Variants in ARL13A observed in about 807,000 individuals in gnomAD.
ARL13A encodes ADP-ribosylation factor-like protein 13A.
A neutral mutation model predicts 19.1 loss-of-function variants in ARL13A; 16 were observed. The ratio of observed to expected loss-of-function variants is 0.84; its 90% CI spans 0.57 to 1.27. The LOEUF is 1.27. Among genes scored for constraint, ARL13A ranks in the 50% most tolerant of loss-of-function variants. The pLI, the probability that ARL13A is intolerant of heterozygous loss-of-function variation, is 0.00. For synonymous variants in ARL13A, 69 were observed against 71.3 expected, an observed-to-expected ratio of 0.97 and a Z score of 0.17; for missense variants, 153 against 186.4, an observed-to-expected ratio of 0.82 and a Z score of 1.04.
intron 3 of ARL13A, among the ~76,000 whole-genome samples, chrX:100,977,369 CTTTTTTTTTTTTTTTT>C (rs59915769): frequency 1.8e-5 from 1 of 56,470 alleles, no homozygotes. Context: ...CTACTCTCTT[CTTTTTTTTTTTTTTTT>C]TTTTTTTTTT....
intron 7 of ARL13A, chrX:100,988,582 G>T (rs1476536082): frequency 1.0e-6 from 1 of 965,883 alleles, no homozygotes; most frequent in East Asian, 5.3e-5. Context: ...AGTGGTTAGA[G>T]AAGAAAATTT....
chrX:100,975,613 A>G (rs1288349924), intron 3 of ARL13A, among the ~76,000 whole-genome samples: 1 of 104,788 alleles, frequency 9.5e-6, no homozygotes, highest in East Asian at 2.9e-4. Flanking sequence ...CTGAGACAAC[A>G]TGTTGCCATT....
At chrX:100,981,729 A>G (rs1417979218) in intron 3 of ARL13A, among the ~76,000 whole-genome samples, 1 of 108,476 alleles carries the variant, frequency 9.2e-6, no homozygotes, top group Non-Finnish European at 1.9e-5. Flanking sequence ...GGATCACTTG[A>G]GTCCAGGAGG....
intron 4 of ARL13A, 117 bp downstream of exon 4, chrX:100,986,033 G>T: frequency 1.1e-6 from 1 of 911,647 alleles, no homozygotes; most frequent in Admixed American, 3.7e-5. Context: ...GTTCCCTTAG[G>T]CTCAGTGAGG....
chrX:100,987,320 G>A, intron 5 of ARL13A, 70 bp from the exon 6 acceptor site: 4 of 1,075,507 alleles, frequency 3.7e-6, no homozygotes, highest in Non-Finnish European at 5.0e-6. Flanking sequence ...TTGAATGAGA[G>A]TGACTGGTTC....
intron 3 of ARL13A, among the ~76,000 whole-genome samples, chrX:100,982,315 A>C (rs1392727615): frequency 9.2e-6 from 1 of 109,141 alleles, no homozygotes; most frequent in African/African-American, 3.3e-5. Context: ...ACATGGTGAA[A>C]CCCCCGTCTC....
intron 3 of ARL13A, among the ~76,000 whole-genome samples, chrX:100,976,375 T>G (rs1292109918): frequency 1.8e-5 from 2 of 111,100 alleles, no homozygotes; most frequent in Admixed American, 1.9e-4. Flanking sequence ...TTTATTTTGT[T>G]ACTGCATAAC....
At chrX:100,980,885 C>T (rs2085842869) in intron 3 of ARL13A, among the ~76,000 whole-genome samples, 1 of 111,870 alleles carries the variant, frequency 8.9e-6, no homozygotes, top group South Asian at 3.8e-4. Context: ...CTAGAAATGT[C>T]ATCGGGGAGC....
At chrX:100,979,800 C>T (rs888144772) in intron 3 of ARL13A, among the ~76,000 whole-genome samples, 2 of 112,120 alleles carry the variant, frequency 1.8e-5, no homozygotes, top group African/African-American at 6.5e-5. Context: ...GCTGTATATG[C>T]ATTAGGGGAC....
intron 3 of ARL13A, among the ~76,000 whole-genome samples, chrX:100,975,707 A>G (rs1486578201): frequency 9.5e-6 from 1 of 105,352 alleles, no homozygotes; most frequent in Non-Finnish European, 1.9e-5. Flanking sequence ...ATCTCAGCTC[A>G]CTGCAACCTC....
chrX:100,982,568 C>G (rs752983404), intron 3 of ARL13A, among the ~76,000 whole-genome samples: 3 of 109,611 alleles, frequency 2.7e-5, no homozygotes, highest in East Asian at 2.9e-4. Context: ...CCAGAATCAC[C>G]TGGGGAGCTT....
intron 7 of ARL13A, chrX:100,990,249 A>T: frequency 1.5e-6 from 1 of 678,130 alleles, no homozygotes. Flanking sequence ...ATACCCTCCT[A>T]CCATGAAATG....
At chrX:100,970,809 A>G (rs779426578) in intron 1 of ARL13A, among the ~76,000 whole-genome samples, 1 of 111,917 alleles carries the variant, frequency 8.9e-6, no homozygotes, top group East Asian at 2.8e-4. Flanking sequence ...TGAAACCACA[A>G]TGAAATACCT....
At chrX:100,982,854 A>G (rs2085881543) in intron 3 of ARL13A, among the ~76,000 whole-genome samples, 1 of 110,236 alleles carries the variant, frequency 9.1e-6, no homozygotes, top group Non-Finnish European at 1.9e-5. Flanking sequence ...CTGAGACACA[A>G]TCAGGCATGG....
At chrX:100,984,118 G>GT (rs768378066) in intron 3 of ARL13A, among the ~76,000 whole-genome samples, 1,214 of 97,870 alleles carry the variant, frequency 0.012, 9 homozygotes, top group Non-Finnish European at 0.019. Context: ...TTTGTTTTTT[G>GT]TTTTTTTTTT....
At chrX:100,981,634 TA>T (rs2085856596) in intron 3 of ARL13A, among the ~76,000 whole-genome samples, 1 of 93,035 alleles carries the variant, frequency 1.1e-5, no homozygotes, top group African/African-American at 4.1e-5. Context: ...CAAAACTCTC[TA>T]CAAAAAAAAA....
intron 3 of ARL13A, among the ~76,000 whole-genome samples, chrX:100,979,347 C>T (rs1338971084): frequency 9.0e-6 from 1 of 111,248 alleles, no homozygotes; most frequent in Non-Finnish European, 1.9e-5. Context: ...TTTTGTTTGT[C>T]TGGGAAATAC....
At chrX:100,986,178 A>T (rs1180912946) in intron 4 of ARL13A, among the ~76,000 whole-genome samples, 1 of 111,788 alleles carries the variant, frequency 8.9e-6, no homozygotes, top group Non-Finnish European at 1.9e-5. Context: ...AGTGGTATCC[A>T]CCACCTCCAC....
rs764135914 is a variant in ARL13A, at chrX:100,990,551, C to T, written c.745-11C>T. On this transcript the variant is annotated splice_polypyrimidine_tract_variant and intron_variant, in intron 7 of 7. Coordinates refer to ENST00000450049, the MANE Select transcript of ARL13A (RefSeq NM_001162491.2). ...GAGAACCCCTGTTGTTCCTGTATAT[C>T]TATATTCTAGCCATCAAATCAATCC... 8.8e-7 allele frequency: 1 copy of T among 1,141,681 alleles called. No homozygotes were observed. The highest frequency in any genetic ancestry group is 2.1e-5 in the South Asian group (1 of 47,229). The allele number at this position is 1,141,681 out of a possible 1,213,427, so 94.1% of individuals were successfully genotyped here. A position where few individuals can be genotyped will look rare whatever the true frequency, so the allele number is the denominator to read the frequency against.
Sources: allele counts gnomAD v4.1 joint callset (sites outside exome capture counted in the v4.1 genomes callset), GRCh38; gene constraint gnomAD v4.1.1; transcripts MANE v1.5; gene names NCBI Gene and HGNC (gene_info 2026-07-23, HGNC 2026-07-21).